SPECC1: variants seen among roughly 807,000 people sequenced by gnomAD.
SPECC1 encodes cytospin-B.
A neutral mutation model predicts 104.1 loss-of-function variants in SPECC1; 62 were observed. That is an observed-to-expected ratio of 0.60 (90% CI 0.49 to 0.74). SPECC1 has a LOEUF of 0.74. Ranked by LOEUF, SPECC1 falls within the 30% of genes least tolerant of loss-of-function variation. SPECC1 has a pLI of 0.00. For missense variants in SPECC1, 1,306 were observed against 1,310.5 expected (o/e 1.00, Z 0.05); for synonymous variants, 513 against 501.6 (o/e 1.02, Z -0.30).
At position 20,052,174 on chromosome 17, in the gene SPECC1, G is replaced by T. The variant is rs117092657; in HGVS notation, c.-22+42750G>T. Among the ~76,000 whole-genome samples the T allele has an allele frequency of 8.1e-4, 123 of 152,216 alleles. 2 individuals are homozygous for T. The East Asian group carries it at 0.021, about 26-fold the overall frequency. ...ATTATTTCATTAGTTTCAATATCAT[G>T]TGCCTAGTAAGATGGTAGGTTTTAA... is the stretch of plus-strand genomic sequence containing the variant. On this transcript the variant is annotated intron_variant, in intron 1 of 14. Coordinates refer to ENST00000395527, the MANE Select transcript of SPECC1 (RefSeq NM_001243439.2).
intron 3 of SPECC1, among the ~76,000 whole-genome samples, chr17:20,128,996 G>A (rs1308085258): frequency 5.3e-5 from 8 of 151,498 alleles, no homozygotes; most frequent in Non-Finnish European, 1.0e-4. Flanking sequence ...GGCCTCAAAC[G>A]ATCCTCCTGC....
intron 1 of SPECC1, among the ~76,000 whole-genome samples, chr17:20,086,480 T>C (rs2047181976): frequency 6.6e-6 from 1 of 152,178 alleles, no homozygotes; most frequent in African/African-American, 2.4e-5. Context: ...CTTCTGTGCA[T>C]TGAATTAAGC....
chr17:20,057,207 C>T (rs532906634), intron 1 of SPECC1, among the ~76,000 whole-genome samples: 5 of 152,178 alleles, frequency 3.3e-5, no homozygotes, highest in African/African-American at 4.8e-5. Context: ...TTTGGGAGGC[C>T]GAGGCAGGTG....
At chr17:20,035,465 G>A (rs952683880) in intron 1 of SPECC1, among the ~76,000 whole-genome samples, 3 of 151,902 alleles carry the variant, frequency 2.0e-5, no homozygotes, top group African/African-American at 2.4e-5. Flanking sequence ...TTTTATCAGC[G>A]TTTTGTAGTT....
At position 20,205,891 on chromosome 17, in the gene SPECC1, T is replaced by A. The variant is rs1173991430; in HGVS notation, c.1842T>A (p.His614Gln). The change falls in exon 4 of 15, where the codon CAT becomes CAA. Residue 614 changes from histidine to glutamine, a missense_variant. By Grantham distance (24) the His-to-Gln change is conservative (BLOSUM62 0). Transcript: ENST00000395527. ...ELLKANGEIK[H>Q]VSSLLAKVEK... Reference sequence around the variant, plus strand: ...TAAAGGCAAACGGTGAAATTAAACATGTTTCCAGTCTGCTGGCCAAGGTGA... The same window carrying A: ...TAAAGGCAAACGGTGAAATTAAACAAGTTTCCAGTCTGCTGGCCAAGGTGA... 9 of 1,611,340 alleles carry A rather than the reference T, an allele frequency of 5.6e-6. No homozygotes were observed. The highest frequency in any genetic ancestry group is 7.6e-6 in the Non-Finnish European group (9 of 1,179,538).
At chr17:20,239,302 T>C (rs1360616159) in intron 7 of SPECC1, 13 of 1,011,532 alleles carry the variant, frequency 1.3e-5, no homozygotes, top group Non-Finnish European at 1.5e-5. Context: ...AATATTAATC[T>C]TTCTTCTCCC....
rs145974536 is a variant in SPECC1 at position 20,187,389 on chromosome 17, T to A, written c.284-16944T>A. ...TGAGTCAAGGATGGCAGAGACTCAA[T>A]CAGAATGAGTGTTGAGTAGATGTTT... On this transcript the variant is annotated intron_variant, in intron 3 of 14. Transcript: ENST00000395527. Among the ~76,000 whole-genome samples, 8 of 152,244 alleles carry A rather than the reference T, an allele frequency of 5.3e-5. No homozygotes were observed. In the East Asian group the frequency reaches 1.4e-3, roughly 26 times the overall value.
chr17:20,124,645 A>G (rs750733685), intron 3 of SPECC1, among the ~76,000 whole-genome samples: 6 of 152,204 alleles, frequency 3.9e-5, no homozygotes, highest in Non-Finnish European at 8.8e-5. Context: ...TTCATCGGTT[A>G]CTTCCAGATA....
chr17:20,127,485 C>T (rs2049376054), intron 3 of SPECC1, among the ~76,000 whole-genome samples: 2 of 148,626 alleles, frequency 1.3e-5, no homozygotes, highest in South Asian at 4.3e-4. Context: ...CTCTTTTGCC[C>T]AGGCTGAAGT....
At chr17:20,285,926 G>A (rs760346308) in intron 12 of SPECC1, among the ~76,000 whole-genome samples, 4 of 151,430 alleles carry the variant, frequency 2.6e-5, no homozygotes, top group Admixed American at 1.3e-4. Flanking sequence ...TGATTCTCCT[G>A]CCTCAGCCTT....
chr17:20,219,524 A>G (rs1466697315), intron 4 of SPECC1, among the ~76,000 whole-genome samples: 1 of 152,118 alleles, frequency 6.6e-6, no homozygotes, highest in Non-Finnish European at 1.5e-5. Context: ...TCAGACTACT[A>G]GATTTTTTTC....
intron 1 of SPECC1, among the ~76,000 whole-genome samples, chr17:20,060,241 AT>A: frequency 6.6e-6 from 1 of 152,126 alleles, no homozygotes; most frequent in East Asian, 1.9e-4. Context: ...GAGAAATGTT[AT>A]TTTGCCCTTG....
intron 10 of SPECC1, among the ~76,000 whole-genome samples, chr17:20,256,615 C>G (rs1044112877): frequency 6.6e-6 from 1 of 152,164 alleles, no homozygotes; most frequent in African/African-American, 2.4e-5. Context: ...TGCTCTGTAG[C>G]TTAGAACAAG....
intron 3 of SPECC1, among the ~76,000 whole-genome samples, chr17:20,129,432 C>T (rs6587218): frequency 0.25 from 37,748 of 151,378 alleles, 5,902 homozygotes; most frequent in African/African-American, 0.45. Context: ...TCGTGATCTA[C>T]GCACCTCGGC....
intron 1 of SPECC1, among the ~76,000 whole-genome samples, chr17:20,013,586 C>T (rs1180522661): frequency 6.6e-6 from 1 of 152,332 alleles, no homozygotes; most frequent in Admixed American, 6.5e-5. Context: ...ACTGCGACCT[C>T]CGGCTTTCGG....
chr17:20,254,225 A>G (rs1017872478), intron 10 of SPECC1, among the ~76,000 whole-genome samples: 1 of 149,950 alleles, frequency 6.7e-6, no homozygotes, highest in Admixed American at 6.7e-5. Flanking sequence ...TGGAGGTTGC[A>G]TTCAGCAGTC....
At chr17:20,291,945 A>G (rs1237623970) in intron 12 of SPECC1, among the ~76,000 whole-genome samples, 1 of 149,272 alleles carries the variant, frequency 6.7e-6, no homozygotes, top group Non-Finnish European at 1.5e-5. Context: ...ATCCGTCAGC[A>G]TTGCTCTTGG....
chr17:20,037,715 A>AT (rs1262093903), intron 1 of SPECC1, among the ~76,000 whole-genome samples: 2 of 152,096 alleles, frequency 1.3e-5, no homozygotes, highest in Non-Finnish European at 2.9e-5. Context: ...CTGGGCCCAG[A>AT]TATTTGCTTC....
intron 3 of SPECC1, among the ~76,000 whole-genome samples, chr17:20,124,704 A>C (rs1429941545): frequency 6.6e-6 from 1 of 152,200 alleles, no homozygotes; most frequent in Admixed American, 6.5e-5. Context: ...CATTTAATGC[A>C]CTTAACCTTC....
Sources: gnomAD v4.1 joint callset for allele counts (sites outside exome capture counted in the v4.1 genomes callset) on GRCh38, gnomAD v4.1.1 for gene constraint, MANE v1.5 for transcripts, NCBI Gene and HGNC (gene_info 2026-07-23, HGNC 2026-07-21) for gene names.